RNF128: variants seen among roughly 807,000 people sequenced by gnomAD.
RNF128 encodes ring finger protein 128, also known as E3 ubiquitin-protein ligase RNF128.
Under a neutral mutation model 26.2 loss-of-function variants are expected in RNF128, and 13 were observed. The observed-to-expected ratio is 0.50, with a 90% CI of 0.32 to 0.79. The LOEUF is 0.79. Ranked by LOEUF, RNF128 falls within the 30% of genes least tolerant of loss-of-function variation. RNF128 has a pLI of 0.03. For synonymous variants in RNF128, 149 were observed against 142.5 expected, an observed-to-expected ratio of 1.05 and a Z score of -0.32; for missense variants, 315 against 349.7, an observed-to-expected ratio of 0.90 and a Z score of 0.79.
intron 1 of RNF128, among the ~76,000 whole-genome samples, chrX:106,745,333 C>G (rs1309869490): frequency 3.6e-5 from 4 of 111,501 alleles, no homozygotes; most frequent in African/African-American, 1.3e-4. Flanking sequence ...ACCCTCCCTC[C>G]AAAAGATGAT....
chrX:106,787,869 A>C, intron 3 of RNF128, 49 bp from the exon 4 acceptor site: 1 of 870,274 alleles, frequency 1.1e-6, no homozygotes. Context: ...TCTGTAGTTT[A>C]ATGTATTTTT....
chrX:106,693,934 T>A (rs571599825), exon 1 of RNF128: 10 of 992,039 alleles, frequency 1.0e-5, no homozygotes, highest in South Asian at 2.4e-5. Flanking sequence ...GGGACGTGAG[T>A]GGACAATGGT....
chrX:106,776,115 A>G (rs975592902), intron 2 of RNF128, among the ~76,000 whole-genome samples: 4 of 112,652 alleles, frequency 3.6e-5, no homozygotes, highest in Admixed American at 1.9e-4. Context: ...TCCGGGAACA[A>G]CCCTAACTTG....
intron 1 of RNF128, among the ~76,000 whole-genome samples, chrX:106,721,550 T>C (rs1430528585): frequency 1.8e-5 from 2 of 111,870 alleles, no homozygotes; most frequent in African/African-American, 6.5e-5. Flanking sequence ...GTATTGCTGA[T>C]ACAAATATTT....
chrX:106,780,733 C>G (rs924188780), intron 2 of RNF128, among the ~76,000 whole-genome samples: 2 of 111,923 alleles, frequency 1.8e-5, no homozygotes, highest in Non-Finnish European at 3.8e-5. Flanking sequence ...GGCTTCTTTG[C>G]CATTACACAA....
chrX:106,753,129 G>A (rs1460308695), intron 1 of RNF128, among the ~76,000 whole-genome samples: 4 of 111,530 alleles, frequency 3.6e-5, no homozygotes, highest in African/African-American at 1.3e-4. Context: ...GAGAGATCGA[G>A]ATAGAAAGCA....
intron 1 of RNF128, among the ~76,000 whole-genome samples, chrX:106,696,882 G>A (rs754792313): frequency 8.9e-6 from 1 of 111,997 alleles, no homozygotes; most frequent in African/African-American, 3.2e-5. Context: ...AAACCACAGG[G>A]CATCCTACTA....
intron 1 of RNF128, among the ~76,000 whole-genome samples, chrX:106,704,411 G>C (rs1465772830): frequency 8.0e-5 from 7 of 87,632 alleles, no homozygotes; most frequent in Admixed American, 1.4e-4. Context: ...CAGCCTGGGC[G>C]ACAGAGCGAG....
chrX:106,736,438 C>CT (rs1435954834), intron 1 of RNF128, among the ~76,000 whole-genome samples: 1 of 111,517 alleles, frequency 9.0e-6, no homozygotes, highest in Non-Finnish European at 1.9e-5. Flanking sequence ...CTTAGGTAAT[C>CT]TTACACATAC....
At chrX:106,795,242 G>A (rs933611191) in intron 6 of RNF128, among the ~76,000 whole-genome samples, 1 of 111,340 alleles carries the variant, frequency 9.0e-6, no homozygotes, top group Non-Finnish European at 1.9e-5. Flanking sequence ...AAGTGCCCAG[G>A]TGATTGAAAT....
chrX:106,697,963 C>T (rs900502431), intron 1 of RNF128, among the ~76,000 whole-genome samples: 8 of 107,740 alleles, frequency 7.4e-5, no homozygotes, highest in Non-Finnish European at 1.5e-4. Context: ...CATATTCTAG[C>T]TTACCAGAAG....
At position 106,740,982 on chromosome X, in the gene RNF128, T is replaced by C. The variant is rs923361770; in HGVS notation, c.484+13585T>C. On this transcript the variant is annotated intron_variant, in intron 1 of 6. Transcript: ENST00000255499. ...TTCATAGTTTATGGGATTGAAAATG[T>C]TGATGGTATAGAGTTTACTGACTAG... 6.3e-5 allele frequency among the ~76,000 whole-genome samples: 7 copies of C among 111,436 alleles called. 1 individual carries two copies. In the Admixed American group the frequency reaches 6.7e-4, roughly 11 times the overall value.
intron 1 of RNF128, among the ~76,000 whole-genome samples, chrX:106,721,509 T>C (rs1929311414): frequency 8.9e-6 from 1 of 112,169 alleles, no homozygotes; most frequent in Non-Finnish European, 1.9e-5. Context: ...CATCATTAAA[T>C]AGTGAAGTGC....
rs779762567 is a variant in RNF128 at position 106,718,057 on chromosome X, C to T, written c.406+23649C>T. ...ATTGAAAGCACTGACACATGTTAGC[C>T]TGCTTACTGGAATGTGTGTACTGAA... On this transcript the variant is annotated intron_variant, in intron 1 of 6. Transcript: ENST00000324342. Among the ~76,000 whole-genome samples, 170 of 111,989 alleles carry T rather than the reference C, an allele frequency of 1.5e-3. 1 individual carries two copies. The highest frequency in any genetic ancestry group is 2.0e-3 in the Non-Finnish European group (108 of 53,218).
chrX:106,722,534 T>G (rs1396242259), upstream of RNF128, among the ~76,000 whole-genome samples: 1 of 111,687 alleles, frequency 9.0e-6, no homozygotes, highest in Non-Finnish European at 1.9e-5. Context: ...GGAATACGGT[T>G]GGGTAAAACC....
chrX:106,716,293 C>T (rs142419711), intron 1 of RNF128, among the ~76,000 whole-genome samples: 66 of 111,782 alleles, frequency 5.9e-4, no homozygotes, highest in African/African-American at 2.0e-3. Context: ...ACCACACCAA[C>T]GCAATAACAT....
intron 1 of RNF128, among the ~76,000 whole-genome samples, chrX:106,751,159 A>G (rs144555031): frequency 4.5e-5 from 5 of 111,546 alleles, no homozygotes; most frequent in African/African-American, 1.6e-4. Context: ...TTAACATCAT[A>G]TTAAGGAAAG....
intron 2 of RNF128, among the ~76,000 whole-genome samples, chrX:106,773,509 C>T (rs569771669): frequency 3.6e-5 from 4 of 110,639 alleles, no homozygotes; most frequent in African/African-American, 9.9e-5. Flanking sequence ...TTAGAAAGTA[C>T]ACGGGAAAAA....
At chrX:106,791,773 A>C (rs1445068385) in intron 6 of RNF128, among the ~76,000 whole-genome samples, 1 of 111,511 alleles carries the variant, frequency 9.0e-6, no homozygotes, top group African/African-American at 3.2e-5. Flanking sequence ...CATTTTCAAA[A>C]TTCATGTGAA....
Sources: gnomAD v4.1 joint callset for allele counts (sites outside exome capture counted in the v4.1 genomes callset) on GRCh38, gnomAD v4.1.1 for gene constraint, MANE v1.5 for transcripts, NCBI Gene and HGNC (gene_info 2026-07-23, HGNC 2026-07-21) for gene names.